Variants in FLRT1 observed in about 807,000 individuals in gnomAD.
FLRT1 encodes the protein leucine-rich repeat transmembrane protein FLRT1.
FLRT1 carries 14 observed loss-of-function variants against 30.9 expected under a neutral mutation model. The ratio of observed to expected loss-of-function variants is 0.45; its 90% CI spans 0.30 to 0.71. The LOEUF (loss-of-function observed/expected upper bound fraction) is 0.71, where lower values mean the gene tolerates loss of function less well. Among genes scored for constraint, FLRT1 ranks in the 30% least tolerant of loss-of-function variants. The pLI is 0.08. For synonymous variants in FLRT1, 368 were observed against 430.4 expected, an observed-to-expected ratio of 0.85 and a Z score of 1.80; for missense variants, 737 against 949.2, an observed-to-expected ratio of 0.78 and a Z score of 2.94.
At chr11:64,116,071 G>C in intron 2 of FLRT1, 148 bp from the exon 3 acceptor site, 2 of 745,394 alleles carry the variant, frequency 2.7e-6, no homozygotes, top group Non-Finnish European at 2.1e-6. Flanking sequence ...TGGCACAAAG[G>C]CCACTCCTCC....
chr11:64,051,931 C>A (rs556045363), intron 1 of FLRT1, among the ~76,000 whole-genome samples: 17 of 151,948 alleles, frequency 1.1e-4, no homozygotes, highest in African/African-American at 3.6e-4. Flanking sequence ...ACTGGATACT[C>A]CAAGGCCACT....
intron 2 of FLRT1, among the ~76,000 whole-genome samples, chr11:64,109,119 A>C (rs1192208181): frequency 2.6e-5 from 4 of 152,124 alleles, no homozygotes; most frequent in African/African-American, 9.7e-5. Context: ...CAGGTGAAAG[A>C]GGAGACGTGG....
chr11:64,095,655 A>G (rs934538054), intron 1 of FLRT1, among the ~76,000 whole-genome samples: 11 of 152,172 alleles, frequency 7.2e-5, no homozygotes, highest in Non-Finnish European at 1.5e-4. Context: ...GGATGATGGC[A>G]TATGTGTGGA....
intron 1 of FLRT1, among the ~76,000 whole-genome samples, chr11:64,052,108 G>C (rs1017154438): frequency 6.6e-6 from 1 of 152,010 alleles, no homozygotes; most frequent in African/African-American, 2.4e-5. Context: ...AGGAAGCCCT[G>C]GCCCTCCTCC....
In FLRT1 at chr11:64,096,540, C is replaced by G. The variant is rs1297396756; in HGVS notation, c.-1037-6654C>G. On this transcript the variant is annotated intron_variant, in intron 1 of 2. Transcript: ENST00000682287. This position sits in a 1 kb window ranked among gnomAD's most constrained non-coding sequence, Gnocchi z 4.6. ...AAGCAATTCTCTTGCCTCAGCCCAC[C>G]GAGTAGCTGGGATTACAGGCGCCTG... Among the ~76,000 whole-genome samples the G allele has an allele frequency of 6.6e-6, 1 of 152,052 alleles. No individual in the cohort carries two copies. Among genetic ancestry groups the G allele is most frequent in the Non-Finnish European group, 1.5e-5 (1 of 68,004 alleles).
At chr11:64,048,112 G>C (rs1294081153) in intron 1 of FLRT1, among the ~76,000 whole-genome samples, 1 of 152,174 alleles carries the variant, frequency 6.6e-6, no homozygotes, top group African/African-American at 2.4e-5. Context: ...GGAGGCAGTG[G>C]GCCCAGAAGC....
chr11:64,069,062 T>G (rs888335218), intron 1 of FLRT1, among the ~76,000 whole-genome samples: 56 of 134,966 alleles, frequency 4.1e-4, no homozygotes, highest in South Asian at 7.3e-4. Flanking sequence ...CAGGTGGGGG[T>G]GGGGCAGGAT....
rs565674777 is a variant in FLRT1 at position 64,077,965 on chromosome 11, GGCCTCCTTTCCCCT to G, written c.-1037-25221_-1037-25208del. Among the ~76,000 whole-genome samples the G allele has an allele frequency of 6.4e-3, 971 of 152,304 alleles. 11 individuals are homozygous for G. Among genetic ancestry groups the G allele is most frequent in the African/African-American group, 0.023 (937 of 41,568 alleles). On this transcript the variant is annotated intron_variant, in intron 1 of 2. Coordinates refer to ENST00000682287, the MANE Select transcript of FLRT1 (RefSeq NM_013280.5). Reference sequence around the variant, plus strand: ...GCCCTGATGGGCCCGTGCTCAGCCTGGCCTCCTTTCCCCTGCCTCCTCCTCAGCGGGGGTCCCAG... The same window carrying G: ...GCCCTGATGGGCCCGTGCTCAGCCTGGCCTCCTCCTCAGCGGGGGTCCCAG...
intron 1 of FLRT1, among the ~76,000 whole-genome samples, chr11:64,046,263 C>CA (rs1943582099): frequency 6.6e-6 from 1 of 152,180 alleles, no homozygotes; most frequent in African/African-American, 2.4e-5. Flanking sequence ...AGAAGAGGGA[C>CA]AGGGGCCACC....
chr11:64,100,232 G>C (rs548899251), intron 1 of FLRT1, among the ~76,000 whole-genome samples: 1 of 152,150 alleles, frequency 6.6e-6, no homozygotes, highest in Non-Finnish European at 1.5e-5. Flanking sequence ...TATATGTATG[G>C]GCAGATTCGG....
At position 64,082,129 on chromosome 11, in the gene FLRT1, G is replaced by A. The variant is rs1381492905; in HGVS notation, c.-1037-21065G>A. ...TGCCCATCTCCCCAGGCCCTCCTGT[G>A]GCTGCGCCTGGAGCCTCCCGGGAGG... On this transcript the variant is annotated intron_variant, in intron 1 of 2. Transcript: ENST00000682287. This position sits in a 1 kb window ranked among gnomAD's most constrained non-coding sequence, Gnocchi z 4.5. 1 of 152,172 alleles carries A rather than the reference G, an allele frequency of 6.6e-6. No individual in the cohort carries two copies. Among genetic ancestry groups the A allele is most frequent in the Non-Finnish European group, 1.5e-5 (1 of 68,066 alleles). The allele number at this position is 152,172 out of a possible 1,614,324, so 9.4% of individuals were successfully genotyped here. A position where few individuals can be genotyped will look rare whatever the true frequency, so the allele number is the denominator to read the frequency against.
intron 1 of FLRT1, among the ~76,000 whole-genome samples, chr11:64,100,923 C>G (rs367986440): frequency 4.7e-4 from 71 of 152,240 alleles, no homozygotes; most frequent in Admixed American, 1.6e-3. Context: ...GCACCAAGAG[C>G]CTCACTTAGT....
In FLRT1 at chr11:64,036,796, C is replaced by T. The variant is rs1326958842; in HGVS notation, c.-1038+637C>T. Among the ~76,000 whole-genome samples, 7 of 152,092 alleles carry T rather than the reference C, an allele frequency of 4.6e-5. No individual in the cohort carries two copies. In the South Asian group the frequency reaches 1.2e-3, roughly 27 times the overall value. On this transcript the variant is annotated intron_variant, in intron 1 of 2. Coordinates refer to ENST00000682287, the MANE Select transcript of FLRT1 (RefSeq NM_013280.5). The surrounding 1 kb of genome is among the most constrained non-coding windows in gnomAD (Gnocchi z 5.6). ...GAACGGTGAGACCATGGTGCCTGGG[C>T]GGGGGGCGGCGGGCACCCCCCATCC... is the stretch of plus-strand genomic sequence containing the variant.
rs992594968 is a variant in FLRT1 at position 64,082,264 on chromosome 11, T to TG, written c.-1037-20924dup. On this transcript the variant is annotated intron_variant, in intron 1 of 2. Transcript: ENST00000682287. This position sits in a 1 kb window ranked among gnomAD's most constrained non-coding sequence, Gnocchi z 4.5. The stretch of plus-strand genomic sequence containing the variant: ...CTGCTTAGCAGAGGATGGCTGAGCC[T>TG]GGGGGGTGGAGAAAATCTTGCCTCC... 1.3e-4 allele frequency among the ~76,000 whole-genome samples: 20 copies of TG among 151,778 alleles called. No homozygotes were observed. Among genetic ancestry groups the TG allele is most frequent in the African/African-American group, 4.6e-4 (19 of 41,284 alleles).
intron 1 of FLRT1, among the ~76,000 whole-genome samples, chr11:64,088,644 C>CTTA (rs1339942436): frequency 6.6e-6 from 1 of 152,200 alleles, no homozygotes; most frequent in Non-Finnish European, 1.5e-5. Flanking sequence ...CCAGGCCACC[C>CTTA]TTATTGGTTG....
At chr11:64,044,174 G>A (rs1481236503) in intron 1 of FLRT1, among the ~76,000 whole-genome samples, 1 of 151,710 alleles carries the variant, frequency 6.6e-6, no homozygotes. Flanking sequence ...ACACATGAGA[G>A]TAATCAACAC....
chr11:64,059,617 A>G (rs1943858193), intron 1 of FLRT1, among the ~76,000 whole-genome samples: 1 of 152,072 alleles, frequency 6.6e-6, no homozygotes, highest in South Asian at 2.1e-4. Flanking sequence ...GTCTCGGGGT[A>G]CCTGGACTCT....
chr11:64,081,344 A>G (rs914066786), intron 1 of FLRT1, among the ~76,000 whole-genome samples: 4 of 152,146 alleles, frequency 2.6e-5, no homozygotes, highest in African/African-American at 4.8e-5. Flanking sequence ...TTTAAAATCA[A>G]TGACCATGAA....
intron 2 of FLRT1, among the ~76,000 whole-genome samples, chr11:64,107,414 A>G (rs2134579910): frequency 6.6e-6 from 1 of 152,146 alleles, no homozygotes; most frequent in South Asian, 2.1e-4. Context: ...CTAAGACACA[A>G]TTCTAAAGTC....
Sources: allele counts gnomAD v4.1 joint callset (sites outside exome capture counted in the v4.1 genomes callset), GRCh38; gene constraint gnomAD v4.1.1; non-coding constraint Gnocchi (gnomAD v3.1); transcripts MANE v1.5; gene names NCBI Gene and HGNC (gene_info 2026-07-23, HGNC 2026-07-21).